Variants in GC observed in about 807,000 individuals in gnomAD.
The protein encoded by GC is GC vitamin D binding protein.
GC carries 43 observed loss-of-function variants against 56.7 expected under a neutral mutation model. The observed-to-expected ratio is 0.76, with a 90% CI of 0.59 to 0.98. GC has a LOEUF of 0.98. Among genes scored for constraint, GC ranks in the 50% least tolerant of loss-of-function variants. GC has a pLI of 0.00. For synonymous variants in GC, 216 were observed against 202.7 expected (o/e 1.07, Z -0.56); for missense variants, 529 against 545.9 (o/e 0.97, Z 0.31).
At chr4:71,759,054 G>A (rs1741877402) in intron 6 of GC, among the ~76,000 whole-genome samples, 1 of 152,116 alleles carries the variant, frequency 6.6e-6, no homozygotes, top group African/African-American at 2.4e-5. Context: ...TTTTCAGACT[G>A]GCATATTTCA....
At chr4:71,756,957 T>G (rs763373374) in intron 7 of GC, 43 bp from the exon 8 acceptor site, 1 of 1,301,818 alleles carries the variant, frequency 7.7e-7, no homozygotes, top group Admixed American at 1.7e-5. Context: ...AGTTTCCTGA[T>G]AGTCTAATTA....
At chr4:71,782,476 T>A (rs2149306574) in intron 1 of GC, among the ~76,000 whole-genome samples, 1 of 151,958 alleles carries the variant, frequency 6.6e-6, no homozygotes, top group East Asian at 1.9e-4. Flanking sequence ...ATATGGCACA[T>A]GGGTTATAAG....
intron 1 of GC, among the ~76,000 whole-genome samples, chr4:71,783,735 A>G (rs1005742657): frequency 5.9e-5 from 9 of 151,690 alleles, no homozygotes; most frequent in African/African-American, 2.2e-4. Context: ...ATATCATTCC[A>G]TTTACTTTCT....
intron 1 of GC, among the ~76,000 whole-genome samples, chr4:71,795,622 T>C (rs538049681): frequency 6.4e-4 from 97 of 152,372 alleles, no homozygotes; most frequent in African/African-American, 2.2e-3. Context: ...TTTGCCAGTC[T>C]GTACCTTTTA....
intron 11 of GC, among the ~76,000 whole-genome samples, chr4:71,746,934 A>T (rs1741396113): frequency 1.3e-5 from 2 of 151,856 alleles, no homozygotes; most frequent in African/African-American, 4.8e-5. Context: ...GTGGGAGGAG[A>T]CCAATGGACA....
intron 1 of GC, among the ~76,000 whole-genome samples, chr4:71,794,091 C>T (rs1264921560): frequency 1.3e-5 from 2 of 152,156 alleles, no homozygotes; most frequent in South Asian, 2.1e-4. Flanking sequence ...CATCATTGCT[C>T]ATCAGGGATA....
chr4:71,758,072 C>T lies in GC; in HGVS notation c.801G>A (p.Glu267=). ...TGGCCATGCAATCTTCAGAGGCAGA[C>T]TCACAGCATTTGGAGAGGATGTTAG... ...DITNILSKCC[E]SASEDCMAKE... is the part of the protein sequence containing the mutation. The change falls in exon 7 of 13, where the codon GAG becomes GAA. Residue 267 remains glutamate, a synonymous_variant. Coordinates refer to ENST00000273951, the MANE Select transcript of GC (RefSeq NM_000583.4). 5 of 1,613,500 alleles carry T rather than the reference C, an allele frequency of 3.1e-6. No individual in the cohort carries two copies. The highest frequency in any genetic ancestry group is 4.2e-6 in the Non-Finnish European group (5 of 1,179,562).
chr4:71,771,455 A>G (rs1021018033), intron 1 of GC, among the ~76,000 whole-genome samples: 8 of 152,104 alleles, frequency 5.3e-5, no homozygotes, highest in African/African-American at 1.9e-4. Flanking sequence ...CCCCCCCAAA[A>G]TATTTTTGAG....
In GC at chr4:71,768,284, C is replaced by A; in HGVS notation, c.261+17G>T. On this transcript the variant is annotated intron_variant, in intron 3 of 12. Coordinates refer to ENST00000273951, the MANE Select transcript of GC (RefSeq NM_000583.4). ...TTCTCTGGGCTGCCACAGAGACGGCCAGCCACAGAAACCTACCCTGGTGTC... is the reference window on the plus strand; with the variant it reads ...TTCTCTGGGCTGCCACAGAGACGGCAAGCCACAGAAACCTACCCTGGTGTC... The A allele has an allele frequency of 6.4e-7, 1 of 1,573,350 alleles. No individual in the cohort carries two copies. The highest frequency in any genetic ancestry group is 8.6e-7 in the Non-Finnish European group (1 of 1,156,904).
intron 1 of GC, among the ~76,000 whole-genome samples, chr4:71,772,043 GTTTGT>G (rs772072596): frequency 8.5e-5 from 13 of 152,198 alleles, no homozygotes; most frequent in Non-Finnish European, 1.6e-4. Flanking sequence ...GAAGAGGTGA[GTTTGT>G]TTTATCATTG....
chr4:71,763,957 T>C, intron 4 of GC, 21 bp from the exon 5 acceptor site: 1 of 1,598,018 alleles, frequency 6.3e-7, no homozygotes, highest in African/African-American at 1.3e-5. Context: ...AAAAATAGAA[T>C]TGGTCAAAAA....
intron 12 of GC, among the ~76,000 whole-genome samples, chr4:71,744,221 T>A (rs1741277831): frequency 6.8e-6 from 1 of 146,968 alleles, no homozygotes; most frequent in Non-Finnish European, 1.5e-5. Context: ...GGCGGGCGGA[T>A]CACGAGGTCA....
intron 1 of GC, among the ~76,000 whole-genome samples, chr4:71,770,475 C>T (rs1380118682): frequency 3.3e-5 from 5 of 152,218 alleles, no homozygotes; most frequent in South Asian, 2.1e-4. Flanking sequence ...GGAGAGAGAT[C>T]ACAGAAGAAC....
At chr4:71,742,711 A>C (rs1294707984) in intron 12 of GC, among the ~76,000 whole-genome samples, 2 of 152,368 alleles carry the variant, frequency 1.3e-5, no homozygotes, top group Middle Eastern at 3.4e-3. Context: ...ATGGTGGCTC[A>C]CGCCTGTAAT....
At chr4:71,799,446 C>A (rs1353792904) in intron 1 of GC, among the ~76,000 whole-genome samples, 1 of 152,164 alleles carries the variant, frequency 6.6e-6, no homozygotes, top group South Asian at 2.1e-4. Flanking sequence ...GTGCTCTTTT[C>A]TGTCTAACCC....
chr4:71,776,403 G>A (rs895538821), intron 1 of GC, among the ~76,000 whole-genome samples: 2 of 151,710 alleles, frequency 1.3e-5, no homozygotes, highest in Non-Finnish European at 2.9e-5. Flanking sequence ...AAATAAGCCA[G>A]GTACAGAAAG....
At chr4:71,794,221 A>G (rs1040430041) in intron 1 of GC, among the ~76,000 whole-genome samples, 2 of 152,228 alleles carry the variant, frequency 1.3e-5, no homozygotes, top group Non-Finnish European at 2.9e-5. Context: ...GAATAGTTTC[A>G]GAAGGAATGG....
At chr4:71,753,594 G>T (rs1741625366) in intron 10 of GC, among the ~76,000 whole-genome samples, 1 of 152,030 alleles carries the variant, frequency 6.6e-6, no homozygotes, top group Non-Finnish European at 1.5e-5. Flanking sequence ...CAAGAACCCA[G>T]TACCACTTCT....
chr4:71,763,524 C>A (rs374461960), intron 5 of GC, 22 bp from the exon 6 acceptor site: 37 of 1,367,350 alleles, frequency 2.7e-5, no homozygotes, highest in Non-Finnish European at 2.2e-5. Flanking sequence ...GTGAAAGAAT[C>A]TCATTATATG....
Sources: allele counts gnomAD v4.1 joint callset (sites outside exome capture counted in the v4.1 genomes callset), GRCh38; gene constraint gnomAD v4.1.1; transcripts MANE v1.5; gene names NCBI Gene and HGNC (gene_info 2026-07-23, HGNC 2026-07-21).